The following HECW1 variants were observed in gnomAD, a reference collection of about 807,000 sequenced individuals.
HECW1 encodes HECT, C2 and WW domain containing E3 ubiquitin protein ligase 1.
HECW1 carries 61 observed loss-of-function variants against 182.3 expected under a neutral mutation model. The observed-to-expected ratio is 0.33, with a 90% CI of 0.27 to 0.41. The LOEUF (loss-of-function observed/expected upper bound fraction) is 0.41, where lower values mean the gene tolerates loss of function less well. Ranked by LOEUF, HECW1 falls within the 10% of genes least tolerant of loss-of-function variation. The probability of loss-of-function intolerance (pLI) is 1.00; values close to 1 mark genes in which losing one functional copy is unlikely to be tolerated. For missense variants in HECW1, 1,739 were observed against 2,108.9 expected (o/e 0.82, Z 3.44); for synonymous variants, 859 against 832.6 (o/e 1.03, Z -0.55).
intron 2 of HECW1, among the ~76,000 whole-genome samples, chr7:43,200,463 C>T (rs372638656): frequency 1.3e-5 from 2 of 152,152 alleles, no homozygotes; most frequent in Admixed American, 1.3e-4. Context: ...TCAGCAAACC[C>T]GGCAGCCAAG....
chr7:43,542,244 A>G (rs1036697785), intron 26 of HECW1, among the ~76,000 whole-genome samples: 1 of 152,090 alleles, frequency 6.6e-6, no homozygotes, highest in Non-Finnish European at 1.5e-5. Flanking sequence ...TTCTGTTTCT[A>G]TGAATTTGAC....
intron 2 of HECW1, chr7:43,148,840 T>A (rs1231291926): frequency 1.3e-5 from 2 of 151,830 alleles, no homozygotes; most frequent in Non-Finnish European, 2.9e-5. Flanking sequence ...AGGTCTGGGA[T>A]AGGGCCTGAG....
chr7:43,368,005 G>T (rs1047217726), intron 6 of HECW1, among the ~76,000 whole-genome samples: 15 of 152,116 alleles, frequency 9.9e-5, no homozygotes, highest in African/African-American at 3.6e-4. Context: ...AACCATGGAG[G>T]TCTGCTCAGA....
At chr7:43,332,568 TC>T (rs1811632325) in intron 5 of HECW1, among the ~76,000 whole-genome samples, 1 of 152,182 alleles carries the variant, frequency 6.6e-6, no homozygotes, top group Non-Finnish European at 1.5e-5. Flanking sequence ...TGAGGCAGTG[TC>T]TGAAGGGCAT....
intron 8 of HECW1, among the ~76,000 whole-genome samples, chr7:43,434,585 A>G (rs543914620): frequency 6.6e-6 from 1 of 152,340 alleles, no homozygotes; most frequent in African/African-American, 2.4e-5. Context: ...GCTGGTCCAC[A>G]AACAGACAGA....
intron 8 of HECW1, among the ~76,000 whole-genome samples, chr7:43,408,808 G>C (rs990335130): frequency 6.6e-6 from 1 of 152,188 alleles, no homozygotes; most frequent in Non-Finnish European, 1.5e-5. Flanking sequence ...GGTCATGAGA[G>C]TGGATGGGGT....
chr7:43,359,583 A>G (rs978028743), intron 5 of HECW1, among the ~76,000 whole-genome samples: 8 of 152,166 alleles, frequency 5.3e-5, no homozygotes, highest in Non-Finnish European at 8.8e-5. Flanking sequence ...CATAATGTCA[A>G]TTTTTTAAAA....
chr7:43,363,622 A>G (rs1192911421), intron 6 of HECW1, among the ~76,000 whole-genome samples: 2 of 152,166 alleles, frequency 1.3e-5, no homozygotes, highest in East Asian at 3.9e-4. Flanking sequence ...TGTCATGGTG[A>G]AAATGAGTCC....
chr7:43,190,289 T>C (rs1221231105), intron 2 of HECW1, among the ~76,000 whole-genome samples: 1 of 152,124 alleles, frequency 6.6e-6, no homozygotes, highest in Non-Finnish European at 1.5e-5. Flanking sequence ...AATTTTTGTG[T>C]TTTTAGTAGA....
chr7:43,227,372 A>G (rs1468572217), intron 2 of HECW1, among the ~76,000 whole-genome samples: 1 of 152,190 alleles, frequency 6.6e-6, no homozygotes, highest in African/African-American at 2.4e-5. Context: ...TACAAAGCTA[A>G]CAGTATTCAA....
chr7:43,494,057 C>T (rs2079028537), intron 19 of HECW1, among the ~76,000 whole-genome samples: 1 of 152,198 alleles, frequency 6.6e-6, no homozygotes, highest in South Asian at 2.1e-4. Flanking sequence ...CAATACCATA[C>T]TCCGACTTCC....
chr7:43,539,946 GC>G (rs1303757865), intron 24 of HECW1, among the ~76,000 whole-genome samples: 1 of 152,158 alleles, frequency 6.6e-6, no homozygotes, highest in Non-Finnish European at 1.5e-5. Flanking sequence ...GGGTACCCAG[GC>G]CCAAGGACCC....
intron 2 of HECW1, among the ~76,000 whole-genome samples, chr7:43,202,574 AG>A (rs1418170832): frequency 6.6e-6 from 1 of 151,706 alleles, no homozygotes; most frequent in Non-Finnish European, 1.5e-5. Flanking sequence ...CCCGGGTTCA[AG>A]CGATTATCGT....
chr7:43,504,992 A>G (rs2079519907), intron 21 of HECW1, among the ~76,000 whole-genome samples: 1 of 152,142 alleles, frequency 6.6e-6, no homozygotes, highest in Non-Finnish European at 1.5e-5. Flanking sequence ...AACATGACCA[A>G]CTGCTGTCCC....
intron 7 of HECW1, among the ~76,000 whole-genome samples, chr7:43,406,824 A>T (rs1040779815): frequency 1.3e-5 from 2 of 152,170 alleles, no homozygotes; most frequent in Non-Finnish European, 1.5e-5. Flanking sequence ...AGGCTGAGGC[A>T]GGAAGAAATG....
At chr7:43,524,631 T>C (rs947270443) in intron 24 of HECW1, among the ~76,000 whole-genome samples, 2 of 152,216 alleles carry the variant, frequency 1.3e-5, no homozygotes, top group African/African-American at 2.4e-5. Context: ...AAGCAAATAC[T>C]AACATTATTA....
At chr7:43,303,303 G>A (rs1360961371) in intron 3 of HECW1, among the ~76,000 whole-genome samples, 1 of 152,016 alleles carries the variant, frequency 6.6e-6, no homozygotes, top group Non-Finnish European at 1.5e-5. Context: ...TGAGAATGGT[G>A]TGCGAGCGAC....
chr7:43,365,457 C>CA (rs1267241699), intron 6 of HECW1, among the ~76,000 whole-genome samples: 45 of 256 alleles, frequency 0.18, no homozygotes, highest in Non-Finnish European at 0.23. Flanking sequence ...ATGACATTCC[C>CA]ACCCGTGTGG....
intron 6 of HECW1, among the ~76,000 whole-genome samples, chr7:43,372,478 C>T (rs10277317): frequency 0.11 from 16,728 of 151,970 alleles, 1,135 homozygotes; most frequent in South Asian, 0.25. Context: ...ATTAACTCGT[C>T]GTTTTCATTA....
Sources: allele counts gnomAD v4.1 joint callset (sites outside exome capture counted in the v4.1 genomes callset), GRCh38; gene constraint gnomAD v4.1.1; transcripts MANE v1.5; gene names NCBI Gene and HGNC (gene_info 2026-07-23, HGNC 2026-07-21).